The following MDGA2 variants were observed in gnomAD, a reference collection of about 807,000 sequenced individuals.
The protein encoded by MDGA2 is MAM domain containing glycosylphosphatidylinositol anchor 2.
A neutral mutation model predicts 117.8 loss-of-function variants in MDGA2; 40 were observed. The observed-to-expected ratio is 0.34, with a 90% confidence interval of 0.26 to 0.44. MDGA2 has a LOEUF of 0.44. Ranked by LOEUF, MDGA2 falls within the 20% of genes least tolerant of loss-of-function variation. MDGA2 has a pLI of 1.00. For synonymous variants in MDGA2, 452 were observed against 439.0 expected (o/e 1.03, Z -0.37); for missense variants, 1,123 against 1,250.6 (o/e 0.90, Z 1.54).
intron 2 of MDGA2, among the ~76,000 whole-genome samples, chr14:47,280,265 G>A (rs778694016): frequency 1.0e-3 from 124 of 122,594 alleles, no homozygotes; most frequent in Non-Finnish European, 1.6e-3. Context: ...GGTGCGCCGA[G>A]ATCGCACCAT....
intron 2 of MDGA2, among the ~76,000 whole-genome samples, chr14:47,224,282 C>CAGA (rs1321525601): frequency 4.7e-5 from 2 of 42,840 alleles, no homozygotes; most frequent in Non-Finnish European, 1.1e-4. Context: ...CCAATAGAGT[C>CAGA]TGATATAGAT....
At chr14:47,017,253 G>C (rs1301774016) in intron 8 of MDGA2, among the ~76,000 whole-genome samples, 1 of 150,054 alleles carries the variant, frequency 6.7e-6, no homozygotes, top group Non-Finnish European at 1.5e-5. Flanking sequence ...GCTCCATAAG[G>C]GCCTCTGACC....
intron 8 of MDGA2, among the ~76,000 whole-genome samples, chr14:46,966,477 A>G (rs1886035204): frequency 6.6e-6 from 1 of 152,250 alleles, no homozygotes; most frequent in Non-Finnish European, 1.5e-5. Context: ...TGCAAAGGCA[A>G]TGAAGAAAAG....
chr14:47,377,236 G>A (rs1257179857), intron 1 of MDGA2, among the ~76,000 whole-genome samples: 2 of 152,044 alleles, frequency 1.3e-5, no homozygotes, highest in Admixed American at 6.6e-5. Flanking sequence ...AAAATATACT[G>A]GATTACAGTC....
intron 1 of MDGA2, among the ~76,000 whole-genome samples, chr14:47,627,983 G>A (rs1203841235): frequency 6.6e-6 from 1 of 152,164 alleles, no homozygotes; most frequent in African/African-American, 2.4e-5. Flanking sequence ...AGGGTCCGCG[G>A]CTTCATTCTT....
At chr14:46,934,251 A>G (rs1391742409) in intron 9 of MDGA2, among the ~76,000 whole-genome samples, 1 of 152,122 alleles carries the variant, frequency 6.6e-6, no homozygotes. Flanking sequence ...TTTAAGACAC[A>G]TACCAGAATT....
At chr14:47,005,410 T>C (rs946155059) in intron 8 of MDGA2, among the ~76,000 whole-genome samples, 3 of 151,600 alleles carry the variant, frequency 2.0e-5, no homozygotes, top group African/African-American at 7.2e-5. Context: ...ATGAATTATA[T>C]TGCTTAACTG....
intron 1 of MDGA2, among the ~76,000 whole-genome samples, chr14:47,368,103 AACCCCGTCTGT>A (rs555548244): frequency 1.2e-3 from 185 of 151,804 alleles, no homozygotes; most frequent in African/African-American, 4.2e-3. Context: ...AACATGGTGA[AACCCCGTCTGT>A]ACTAAAAATA....
chr14:46,852,086 C>T (rs909722018), intron 15 of MDGA2, among the ~76,000 whole-genome samples: 3 of 151,580 alleles, frequency 2.0e-5, no homozygotes, highest in South Asian at 2.1e-4. Flanking sequence ...AATGAAAGAG[C>T]GTCGATCAAA....
intron 14 of MDGA2, among the ~76,000 whole-genome samples, chr14:46,868,686 T>C (rs185383023): frequency 2.0e-5 from 3 of 152,142 alleles, no homozygotes; most frequent in African/African-American, 7.2e-5. Context: ...CTGGCCATTA[T>C]ATTCCAAAAT....
intron 1 of MDGA2, among the ~76,000 whole-genome samples, chr14:47,503,571 A>G (rs902025421): frequency 9.9e-5 from 15 of 151,724 alleles, no homozygotes; most frequent in Non-Finnish European, 2.1e-4. Flanking sequence ...CGCCCAGCTA[A>G]TTTTTTGTAT....
chr14:46,921,438 T>C (rs1884124890), intron 9 of MDGA2, among the ~76,000 whole-genome samples: 1 of 146,568 alleles, frequency 6.8e-6, no homozygotes, highest in Non-Finnish European at 1.5e-5. Flanking sequence ...ATAATGTCTC[T>C]ACCAGAAAAA....
At chr14:47,530,661 C>A (rs1487559883) in intron 1 of MDGA2, among the ~76,000 whole-genome samples, 1 of 152,072 alleles carries the variant, frequency 6.6e-6, no homozygotes, top group Non-Finnish European at 1.5e-5. Flanking sequence ...GGCAGTGACC[C>A]CCCTGGACCC....
intron 2 of MDGA2, among the ~76,000 whole-genome samples, chr14:47,285,744 A>G (rs17738839): frequency 0.091 from 13,840 of 152,166 alleles, 785 homozygotes; most frequent in Non-Finnish European, 0.11. Context: ...TTCCAACAGT[A>G]CCTCACGGAC....
Position 46,982,734 on chromosome 14 carries a change from A to AAAAAAAAAAAAAT in MDGA2, c.1820-25092_1820-25091insATTTTTTTTTTTT, listed in dbSNP as rs1449356596. Among the ~76,000 whole-genome samples, 269 of 130,370 alleles carry AAAAAAAAAAAAAT rather than the reference A, an allele frequency of 2.1e-3. 8 individuals are homozygous for AAAAAAAAAAAAAT. Among genetic ancestry groups the AAAAAAAAAAAAAT allele is most frequent in the Non-Finnish European group, 3.6e-3 (216 of 59,206 alleles). 85.5% of individuals were successfully genotyped at this position (130,370 alleles called of 152,430 possible). On this transcript the variant is annotated intron_variant, in intron 8 of 16. Coordinates refer to ENST00000399232, the MANE Select transcript of MDGA2 (RefSeq NM_001113498.3). ...AAAAAAAAAAAAAAAAAAAAAAAAA[A>AAAAAAAAAAAAAT]AATCATGTCATCTGCAACCAGGGAC...
At chr14:47,191,345 G>A (rs867860975) in intron 3 of MDGA2, among the ~76,000 whole-genome samples, 1 of 149,720 alleles carries the variant, frequency 6.7e-6, no homozygotes, top group South Asian at 2.1e-4. Flanking sequence ...TTTTAAGAAA[G>A]CAAAAATTTC....
chr14:47,242,063 C>A (rs1220439944), intron 2 of MDGA2, among the ~76,000 whole-genome samples: 2 of 151,780 alleles, frequency 1.3e-5, no homozygotes, highest in African/African-American at 4.8e-5. Flanking sequence ...GCTTCCCTGG[C>A]ACTTAATAAA....
chr14:47,133,841 C>T (rs530564926), intron 4 of MDGA2, among the ~76,000 whole-genome samples: 1 of 152,020 alleles, frequency 6.6e-6, no homozygotes, highest in African/African-American at 2.4e-5. Context: ...CATGTTCAAT[C>T]CCAATTATTC....
In MDGA2 at chr14:47,561,179, G is replaced by GT. The variant is rs1299123339; in HGVS notation, c.280+113337dup. On this transcript the variant is annotated intron_variant, in intron 1 of 16. Coordinates refer to ENST00000399232, the MANE Select transcript of MDGA2 (RefSeq NM_001113498.3). ...TTTTGTTTTGTTTTTTTGTTTGTTT[G>GT]TTTTTTTTTGCTTAGGATTGCCTTA... Among the ~76,000 whole-genome samples, 413 of 71,574 alleles carry GT rather than the reference G, an allele frequency of 5.8e-3. 39 individuals carry two copies. The highest frequency in any genetic ancestry group is 0.016 in the African/African-American group (348 of 21,266). 47.0% of individuals were successfully genotyped at this position (71,574 alleles called of 152,430 possible). A position where few individuals can be genotyped will look rare whatever the true frequency, so the allele number is the denominator to read the frequency against.
Sources: allele counts gnomAD v4.1 joint callset (sites outside exome capture counted in the v4.1 genomes callset), GRCh38; gene constraint gnomAD v4.1.1; transcripts MANE v1.5; gene names NCBI Gene and HGNC (gene_info 2026-07-23, HGNC 2026-07-21).